The following GABRB2 variants were observed in gnomAD, a reference collection of about 807,000 sequenced individuals.
GABRB2 encodes the protein gamma-aminobutyric acid receptor subunit beta-2.
A neutral mutation model predicts 54.7 loss-of-function variants in GABRB2; 16 were observed. The ratio of observed to expected loss-of-function variants is 0.29; its 90% CI spans 0.20 to 0.44. The LOEUF (loss-of-function observed/expected upper bound fraction) is 0.44. Ranked by LOEUF, GABRB2 falls within the 20% of genes least tolerant of loss-of-function variation. The probability of loss-of-function intolerance (pLI) is 1.00; values close to 1 mark genes in which losing one functional copy is unlikely to be tolerated. For missense variants in GABRB2, 355 were observed against 644.0 expected (o/e 0.55, Z 4.86); for synonymous variants, 244 against 233.8 (o/e 1.04, Z -0.40).
intron 3 of GABRB2, among the ~76,000 whole-genome samples, chr5:161,531,603 C>T (rs780209926): frequency 6.6e-6 from 1 of 151,954 alleles, no homozygotes; most frequent in Non-Finnish European, 1.5e-5. Context: ...TCATAGAAAA[C>T]AGTAATCACT....
chr5:161,544,789 G>A (rs564151899), intron 3 of GABRB2, among the ~76,000 whole-genome samples: 1 of 152,232 alleles, frequency 6.6e-6, no homozygotes, highest in South Asian at 2.1e-4. Context: ...TGAAAGCAAC[G>A]AGTGGGCATC....
intron 3 of GABRB2, among the ~76,000 whole-genome samples, chr5:161,507,977 G>A (rs1298873489): frequency 6.6e-6 from 1 of 151,848 alleles, no homozygotes; most frequent in Non-Finnish European, 1.5e-5. Context: ...TCTACACCAA[G>A]ACCCAGTAAT....
Position 161,399,212 on chromosome 5 carries a change from A to C in GABRB2, c.541+11763T>G, listed in dbSNP as rs74734349. Among the ~76,000 whole-genome samples the C allele has an allele frequency of 1.9e-3, 291 of 152,318 alleles. 8 individuals carry two copies. In the East Asian group the frequency reaches 0.04, roughly 21 times the overall value. On this transcript the variant is annotated intron_variant, in intron 5 of 9. Coordinates refer to ENST00000393959, the MANE Select transcript of GABRB2 (RefSeq NM_001371727.1). ...TTAATCATATGTTAGATAAATAAAC[A>C]AGGAAACAATATGTACACTGATTGA... is the stretch of plus-strand genomic sequence containing the variant.
At chr5:161,316,958 A>T (rs1254095854) in intron 9 of GABRB2, among the ~76,000 whole-genome samples, 1 of 152,074 alleles carries the variant, frequency 6.6e-6, no homozygotes, top group African/African-American at 2.4e-5. Context: ...TTAATGTGCT[A>T]TTTACATGGG....
chr5:161,447,688 G>A (rs1757675187), intron 4 of GABRB2, among the ~76,000 whole-genome samples: 1 of 152,130 alleles, frequency 6.6e-6, no homozygotes, highest in Non-Finnish European at 1.5e-5. Flanking sequence ...TCCAAAATAA[G>A]GAGACAGGAA....
chr5:161,339,549 C>G (rs952720685), intron 5 of GABRB2, among the ~76,000 whole-genome samples: 1 of 152,018 alleles, frequency 6.6e-6, no homozygotes, highest in South Asian at 2.1e-4. Flanking sequence ...CACTGAGAAC[C>G]ACTTGTCTAG....
intron 5 of GABRB2, among the ~76,000 whole-genome samples, chr5:161,348,557 A>T (rs941195720): frequency 2.0e-5 from 3 of 152,090 alleles, no homozygotes; most frequent in African/African-American, 7.2e-5. Flanking sequence ...GTTGACCTCA[A>T]GGACATATCA....
intron 4 of GABRB2, among the ~76,000 whole-genome samples, chr5:161,456,681 T>C (rs1050739838): frequency 2.6e-5 from 4 of 152,086 alleles, no homozygotes; most frequent in African/African-American, 7.3e-5. Context: ...TTAAAGTTAA[T>C]ATAAATAAGA....
chr5:161,355,913 A>G (rs1430102135), intron 5 of GABRB2, among the ~76,000 whole-genome samples: 1 of 152,142 alleles, frequency 6.6e-6, no homozygotes, highest in Non-Finnish European at 1.5e-5. Flanking sequence ...TACCAGAAAA[A>G]ATATCTTACT....
At chr5:161,481,735 A>G (rs915831043) in intron 3 of GABRB2, among the ~76,000 whole-genome samples, 1 of 152,042 alleles carries the variant, frequency 6.6e-6, no homozygotes, top group Non-Finnish European at 1.5e-5. Context: ...TAAAAAGTTC[A>G]TATACATCTT....
At chr5:161,452,459 C>T (rs1757817388) in intron 4 of GABRB2, among the ~76,000 whole-genome samples, 1 of 152,158 alleles carries the variant, frequency 6.6e-6, no homozygotes, top group South Asian at 2.1e-4. Context: ...CAATAAATAT[C>T]CTATTTTAAG....
intron 5 of GABRB2, among the ~76,000 whole-genome samples, chr5:161,361,444 A>G (rs975040000): frequency 3.3e-5 from 5 of 152,124 alleles, no homozygotes; most frequent in African/African-American, 1.2e-4. Context: ...ATCCAGACAT[A>G]TCTGGATCAC....
intron 4 of GABRB2, among the ~76,000 whole-genome samples, chr5:161,442,873 C>G (rs1198853842): frequency 6.6e-6 from 1 of 152,088 alleles, no homozygotes; most frequent in East Asian, 1.9e-4. Flanking sequence ...GTCCCCAAAT[C>G]TCTCTTGATT....
chr5:161,491,402 CT>C (rs1299836719), intron 3 of GABRB2, among the ~76,000 whole-genome samples: 1 of 151,566 alleles, frequency 6.6e-6, no homozygotes, highest in East Asian at 1.9e-4. Context: ...AGTTCATGTT[CT>C]CGATTTAAAA....
intron 9 of GABRB2, among the ~76,000 whole-genome samples, chr5:161,301,850 C>T (rs1032235799): frequency 6.6e-6 from 1 of 152,208 alleles, no homozygotes; most frequent in African/African-American, 2.4e-5. Flanking sequence ...GCTTCCCAGT[C>T]CAGCTTTAAA....
intron 4 of GABRB2, among the ~76,000 whole-genome samples, chr5:161,456,196 T>C (rs531962842): frequency 1.2e-4 from 19 of 152,324 alleles, no homozygotes; most frequent in Middle Eastern, 3.4e-3. Context: ...CATATCCACA[T>C]CTTCATGGTT....
chr5:161,507,722 T>G (rs892861978), intron 3 of GABRB2, among the ~76,000 whole-genome samples: 1 of 151,980 alleles, frequency 6.6e-6, no homozygotes, highest in South Asian at 2.1e-4. Context: ...AAAGAAGATA[T>G]GCAAAGTGGC....
At chr5:161,323,137 C>T (rs1758262039) in intron 9 of GABRB2, among the ~76,000 whole-genome samples, 1 of 151,600 alleles carries the variant, frequency 6.6e-6, no homozygotes, top group Non-Finnish European at 1.5e-5. Flanking sequence ...CATTCTCCTG[C>T]CTCAGACTCT....
intron 3 of GABRB2, among the ~76,000 whole-genome samples, chr5:161,481,233 G>C (rs1418127674): frequency 2.0e-5 from 3 of 151,972 alleles, no homozygotes; most frequent in African/African-American, 7.2e-5. Flanking sequence ...ATTAGATGTG[G>C]CCACATAAGT....
Sources: gnomAD v4.1 joint callset for allele counts (sites outside exome capture counted in the v4.1 genomes callset) on GRCh38, gnomAD v4.1.1 for gene constraint, MANE v1.5 for transcripts, NCBI Gene and HGNC (gene_info 2026-07-23, HGNC 2026-07-21) for gene names.